Variants in PRMT8 observed in about 807,000 individuals in gnomAD.
PRMT8 encodes protein arginine N-methyltransferase 8.
In PRMT8, 7 loss-of-function variants were observed where a neutral mutation model predicts 47.1. The ratio of observed to expected loss-of-function variants is 0.15; its 90% CI spans 0.08 to 0.28. The LOEUF (loss-of-function observed/expected upper bound fraction) is 0.28. Ranked by LOEUF, PRMT8 falls within the 10% of genes least tolerant of loss-of-function variation. The pLI is 1.00. For missense variants in PRMT8, 237 were observed against 505.4 expected (o/e 0.47, Z 5.09); for synonymous variants, 188 against 186.5 (o/e 1.01, Z -0.07).
intron 2 of PRMT8, among the ~76,000 whole-genome samples, chr12:3,544,041 C>T (rs566005960): frequency 2.0e-5 from 3 of 152,336 alleles, no homozygotes; most frequent in East Asian, 1.9e-4. Context: ...TTGACACTCT[C>T]GCTGCAGGTT....
chr12:3,521,045 G>GTTAAACTC (rs1197780535), intron 1 of PRMT8, among the ~76,000 whole-genome samples: 1 of 152,208 alleles, frequency 6.6e-6, no homozygotes, highest in Non-Finnish European at 1.5e-5. Flanking sequence ...GGAGGAAGAA[G>GTTAAACTC]TTAAACTCCG....
chr12:3,556,340 G>A (rs1270481202), intron 4 of PRMT8, among the ~76,000 whole-genome samples: 4 of 152,080 alleles, frequency 2.6e-5, no homozygotes, highest in African/African-American at 9.7e-5. Flanking sequence ...AGGTCAAGCA[G>A]GGGAGAAGGG....
chr12:3,494,461 A>G lies in PRMT8; in HGVS notation c.75+2761A>G, dbSNP rs116887641. 7.1e-4 allele frequency among the ~76,000 whole-genome samples: 108 copies of G among 152,302 alleles called. 1 individual carries two copies. In the East Asian group the frequency reaches 0.017, roughly 24 times the overall value. ...CTTCTGGTGGGTTAAGTCAGCCCTG[A>G]AACACAGACTGCCCCCACTTCTGAT... On this transcript the variant is annotated intron_variant, in intron 1 of 9. Transcript: ENST00000382622.
At position 3,592,301 on chromosome 12, in the gene PRMT8, G is replaced by A. The variant is rs71534238; in HGVS notation, c.1050G>A (p.Arg350=). 4.3e-4 allele frequency: 695 copies of A among 1,599,392 alleles called. 7 individuals carry two copies. The East Asian group carries it at 0.015, about 33-fold the overall frequency. The change falls in exon 9 of 10, where the codon AGG becomes AGA. Residue 350 remains arginine (R), a synonymous_variant. Coordinates refer to ENST00000382622, the MANE Select transcript of PRMT8 (RefSeq NM_019854.5). Reference sequence around the variant, plus strand: ...TGGAAGATTACCTCACTGTCCGGAGGGGGGAGGAAATCTACGGGACCATAT... The same window carrying A: ...TGGAAGATTACCTCACTGTCCGGAGAGGGGAGGAAATCTACGGGACCATAT... ...FYLEDYLTVR[R]GEEIYGTISM...
chr12:3,393,432 G>T (rs1385926646), intron 1 of PRMT8, among the ~76,000 whole-genome samples: 2 of 150,858 alleles, frequency 1.3e-5, no homozygotes, highest in African/African-American at 4.9e-5. Flanking sequence ...TTCTACATAT[G>T]GCTAGCCAGT....
At chr12:3,384,215 G>C (rs1864119263) in intron 1 of PRMT8, among the ~76,000 whole-genome samples, 1 of 151,312 alleles carries the variant, frequency 6.6e-6, no homozygotes, top group Non-Finnish European at 1.5e-5. Context: ...TATTTTTGGA[G>C]ATGCATTTTA....
chr12:3,394,067 T>TGAG, intron 1 of PRMT8, among the ~76,000 whole-genome samples: 1 of 145,756 alleles, frequency 6.9e-6, no homozygotes, highest in Middle Eastern at 3.5e-3. Context: ...TTTTGTATCC[T>TGAG]GAGACTTTGC....
At chr12:3,592,768 G>A (rs978757931) in intron 9 of PRMT8, among the ~76,000 whole-genome samples, 2 of 152,218 alleles carry the variant, frequency 1.3e-5, no homozygotes, top group African/African-American at 4.8e-5. Context: ...CCAGGTGTGG[G>A]CATGAGCGCT....
Position 3,535,525 on chromosome 12 carries a change from G to A in PRMT8, c.76-5081G>A, listed in dbSNP as rs1866102873. 2.6e-5 allele frequency among the ~76,000 whole-genome samples: 4 copies of A among 152,192 alleles called. No individual in the cohort carries two copies. The highest frequency in any genetic ancestry group is 1.5e-5 in the Non-Finnish European group (1 of 68,030). ...ACAGGGCCCTGGGCCTGGGCCTTTG[G>A]ACGGAGGTGGGGAAAGAGCAAGGCA... On this transcript the variant is annotated intron_variant, in intron 1 of 9. Transcript: ENST00000382622. The surrounding 1 kb of genome is among the most constrained non-coding windows in gnomAD (Gnocchi z 4.7).
chr12:3,425,422 C>T (rs1210695576), intron 1 of PRMT8, among the ~76,000 whole-genome samples: 1 of 152,242 alleles, frequency 6.6e-6, no homozygotes, highest in Non-Finnish European at 1.5e-5. Flanking sequence ...GCCAGGGCCC[C>T]ACAGTCTGGA....
chr12:3,516,242 G>A (rs1865789695), intron 1 of PRMT8, among the ~76,000 whole-genome samples: 1 of 152,238 alleles, frequency 6.6e-6, no homozygotes, highest in African/African-American at 2.4e-5. Flanking sequence ...TCCAGGATTG[G>A]CTTCAGCTGC....
chr12:3,511,508 C>T (rs1205489092), intron 1 of PRMT8, among the ~76,000 whole-genome samples: 1 of 152,222 alleles, frequency 6.6e-6, no homozygotes, highest in African/African-American at 2.4e-5. Flanking sequence ...CTCCAGAAAC[C>T]TCTGCCTTCA....
At chr12:3,469,187 A>C (rs1314668129) in intron 1 of PRMT8, 1 of 486,564 alleles carries the variant, frequency 2.1e-6, no homozygotes, top group African/African-American at 2.0e-5. Flanking sequence ...TGTGCAATTC[A>C]CAGCAAAGTA....
intron 2 of PRMT8, among the ~76,000 whole-genome samples, chr12:3,541,937 G>A (rs112385114): frequency 3.9e-5 from 6 of 152,182 alleles, no homozygotes; most frequent in African/African-American, 1.2e-4. Context: ...GTTTTTTTGT[G>A]TGCGTGTGTG....
chr12:3,464,367 A>G (rs945532669), intron 1 of PRMT8, among the ~76,000 whole-genome samples: 1 of 152,036 alleles, frequency 6.6e-6, no homozygotes, highest in Non-Finnish European at 1.5e-5. Context: ...AAAAACAAAA[A>G]CCCTGAAAAT....
intron 1 of PRMT8, among the ~76,000 whole-genome samples, chr12:3,480,657 C>CG (rs397709992): frequency 1.3e-5 from 2 of 151,814 alleles, no homozygotes; most frequent in Admixed American, 6.6e-5. Flanking sequence ...TTCCTCCCCC[C>CG]ACCGCTTTCT....
chr12:3,424,003 C>T (rs543180181), intron 1 of PRMT8, among the ~76,000 whole-genome samples: 13 of 152,232 alleles, frequency 8.5e-5, no homozygotes, highest in South Asian at 6.2e-4. Context: ...CCATTGATTT[C>T]CCATTACAGG....
chr12:3,526,711 C>T (rs1865954452), intron 1 of PRMT8, among the ~76,000 whole-genome samples: 1 of 152,026 alleles, frequency 6.6e-6, no homozygotes, highest in Non-Finnish European at 1.5e-5. Flanking sequence ...GTTATGTCCT[C>T]TTGATTGACT....
chr12:3,559,721 A>T (rs1307603712), intron 4 of PRMT8, among the ~76,000 whole-genome samples: 1 of 152,186 alleles, frequency 6.6e-6, no homozygotes, highest in Admixed American at 6.5e-5. Context: ...CCCCAGGCAG[A>T]TGTCTGTCAC....
Sources: gnomAD v4.1 joint callset for allele counts (sites outside exome capture counted in the v4.1 genomes callset) on GRCh38, gnomAD v4.1.1 for gene constraint, Gnocchi (gnomAD v3.1) non-coding constraint, MANE v1.5 for transcripts, NCBI Gene and HGNC (gene_info 2026-07-23, HGNC 2026-07-21) for gene names.